Variants in CACNB2 observed in about 807,000 individuals in gnomAD.
CACNB2 encodes voltage-dependent L-type calcium channel subunit beta-2.
A neutral mutation model predicts 73.3 loss-of-function variants in CACNB2; 42 were observed. The ratio of observed to expected loss-of-function variants is 0.57; its 90% CI spans 0.45 to 0.74. The LOEUF (loss-of-function observed/expected upper bound fraction) is 0.74, where lower values mean the gene tolerates loss of function less well. Among genes scored for constraint, CACNB2 ranks in the 30% least tolerant of loss-of-function variants. The probability of loss-of-function intolerance (pLI) is 0.00; values close to 1 mark genes in which losing one functional copy is unlikely to be tolerated. For synonymous variants in CACNB2, 348 were observed against 310.3 expected (o/e 1.12, Z -1.28); for missense variants, 940 against 853.0 (o/e 1.10, Z -1.27).
At chr10:18,276,303 G>T (rs1463596843) in intron 2 of CACNB2, among the ~76,000 whole-genome samples, 2 of 152,166 alleles carry the variant, frequency 1.3e-5, no homozygotes, top group South Asian at 2.1e-4. Context: ...CTAACCTACA[G>T]CCTTCTACTA....
chr10:18,383,056 G>A (rs903145014), intron 2 of CACNB2, among the ~76,000 whole-genome samples: 1 of 152,164 alleles, frequency 6.6e-6, no homozygotes, highest in Non-Finnish European at 1.5e-5. Flanking sequence ...TAGGAAATAT[G>A]CATGTTATAT....
intron 2 of CACNB2, among the ~76,000 whole-genome samples, chr10:18,283,217 T>C (rs1484836641): frequency 6.6e-6 from 1 of 152,178 alleles, no homozygotes; most frequent in East Asian, 1.9e-4. Flanking sequence ...TTTACACTGT[T>C]GATGGGAGTG....
intron 2 of CACNB2, among the ~76,000 whole-genome samples, chr10:18,321,910 T>C (rs2040410546): frequency 6.6e-6 from 1 of 152,194 alleles, no homozygotes; most frequent in Non-Finnish European, 1.5e-5. Context: ...CCCAGCATTT[T>C]GTGAGGCCAA....
intron 2 of CACNB2, among the ~76,000 whole-genome samples, chr10:18,377,291 G>A (rs1433025707): frequency 2.0e-5 from 3 of 152,204 alleles, no homozygotes; most frequent in African/African-American, 7.2e-5. Context: ...AAGAATTGGA[G>A]TAAGGAATGA....
chr10:18,498,895 A>G (rs1163309980), intron 4 of CACNB2: 1 of 199,382 alleles, frequency 5.0e-6, no homozygotes, highest in East Asian at 1.4e-4. Flanking sequence ...TCTCAATACA[A>G]ACTACTGATG....
At chr10:18,180,077 C>T (rs2033796579) in intron 2 of CACNB2, among the ~76,000 whole-genome samples, 1 of 152,068 alleles carries the variant, frequency 6.6e-6, no homozygotes, top group Admixed American at 6.6e-5. Context: ...TCTGATTTAG[C>T]GTATCAGCGT....
In CACNB2 at chr10:18,539,740, GTTTTTTT is replaced by G. The variant is rs34022725; in HGVS notation, c.*29_*35del. On this transcript the variant is annotated 3_prime_UTR_variant, in exon 14 of 14. Coordinates refer to ENST00000324631, the MANE Select transcript of CACNB2 (RefSeq NM_201596.3). ...CCGCCAATGAGTTTTGCCCGTTTGT[GTTTTTTT>G]TTTTTTTTTTTTGAAGTCTTGTATA... is the stretch of plus-strand genomic sequence containing the variant. 45 of 1,449,378 alleles carry G rather than the reference GTTTTTTT, an allele frequency of 3.1e-5. No individual in the cohort carries two copies. The highest frequency in any genetic ancestry group is 4.0e-5 in the Non-Finnish European group (43 of 1,077,924). The allele number at this position is 1,449,378 out of a possible 1,614,324, so 89.8% of individuals were successfully genotyped here.
intron 2 of CACNB2, among the ~76,000 whole-genome samples, chr10:18,283,401 C>T (rs1158088217): frequency 6.6e-6 from 1 of 152,114 alleles, no homozygotes; most frequent in East Asian, 1.9e-4. Flanking sequence ...TTCACAATAG[C>T]AAAGACTTGG....
At chr10:18,497,923 C>T (rs756317902) in intron 3 of CACNB2, among the ~76,000 whole-genome samples, 11 of 152,094 alleles carry the variant, frequency 7.2e-5, no homozygotes, top group South Asian at 4.1e-4. Context: ...TTGTACCTTT[C>T]GGAATTATGT....
chr10:18,367,870 T>A, intron 2 of CACNB2, among the ~76,000 whole-genome samples: 1 of 152,228 alleles, frequency 6.6e-6, no homozygotes, highest in Non-Finnish European at 1.5e-5. Flanking sequence ...AATATCTTAT[T>A]GAATTGTGAT....
At chr10:18,363,360 G>A (rs1419485240) in intron 2 of CACNB2, among the ~76,000 whole-genome samples, 1 of 152,170 alleles carries the variant, frequency 6.6e-6, no homozygotes. Flanking sequence ...CTCACTTGAG[G>A]ATGTCTTGTA....
At chr10:18,144,040 T>C (rs902193292) in intron 1 of CACNB2, among the ~76,000 whole-genome samples, 1 of 152,156 alleles carries the variant, frequency 6.6e-6, no homozygotes, top group African/African-American at 2.4e-5. Flanking sequence ...GATACATTTC[T>C]CAAAGCCCTG....
intron 2 of CACNB2, among the ~76,000 whole-genome samples, chr10:18,382,502 G>A (rs183230401): frequency 8.5e-5 from 13 of 152,176 alleles, no homozygotes; most frequent in Admixed American, 7.2e-4. Context: ...ATGAAGCCCA[G>A]CATGCATTAG....
At chr10:18,145,261 C>G (rs2840320) in intron 1 of CACNB2, among the ~76,000 whole-genome samples, 73,972 of 152,064 alleles carry the variant, frequency 0.49, 18,252 homozygotes, top group East Asian at 0.56. Context: ...AGTGGCTCTT[C>G]AACTACATCA....
At chr10:18,161,585 G>T (rs1166476719) in intron 2 of CACNB2, among the ~76,000 whole-genome samples, 3 of 150,502 alleles carry the variant, frequency 2.0e-5, no homozygotes, top group African/African-American at 7.3e-5. Context: ...TTGATTTCTT[G>T]GTGGTCCAGG....
intron 10 of CACNB2, chr10:18,533,267 T>A (rs1054526083): frequency 6.6e-6 from 1 of 152,114 alleles, no homozygotes; most frequent in South Asian, 2.1e-4. Flanking sequence ...TTTTAAAAAT[T>A]TACACGCCTG....
At chr10:18,402,674 C>T (rs1456275906) in intron 3 of CACNB2, among the ~76,000 whole-genome samples, 1 of 152,150 alleles carries the variant, frequency 6.6e-6, no homozygotes, top group East Asian at 1.9e-4. Flanking sequence ...TCATCTCAGG[C>T]CATGTCTCAT....
intron 3 of CACNB2, among the ~76,000 whole-genome samples, chr10:18,459,999 A>G (rs1399124950): frequency 6.6e-6 from 1 of 152,230 alleles, no homozygotes; most frequent in Admixed American, 6.5e-5. Context: ...CTCCATCTCA[A>G]AAGAAAAGGA....
Position 18,542,271 on chromosome 10 carries a change from C to G in CACNB2, c.*2547C>G, listed in dbSNP as rs1009414443. 2 of 152,042 alleles carry G rather than the reference C, an allele frequency of 1.3e-5. No individual in the cohort carries two copies. The highest frequency in any genetic ancestry group is 3.9e-4 in the East Asian group (2 of 5,190). 9.4% of individuals were successfully genotyped at this position (152,042 alleles called of 1,614,324 possible). ...AATTTCCCTCAGTTCGTTAATTAGCCCTACACTGTTTACATAAATTTATTT... is the reference window on the plus strand; with the variant it reads ...AATTTCCCTCAGTTCGTTAATTAGCGCTACACTGTTTACATAAATTTATTT... On this transcript the variant is annotated 3_prime_UTR_variant, in exon 14 of 14. Coordinates refer to ENST00000324631, the MANE Select transcript of CACNB2 (RefSeq NM_201596.3).
Sources: allele counts gnomAD v4.1 joint callset (sites outside exome capture counted in the v4.1 genomes callset), GRCh38; gene constraint gnomAD v4.1.1; transcripts MANE v1.5; gene names NCBI Gene and HGNC (gene_info 2026-07-23, HGNC 2026-07-21).